The following SNX13 variants were observed in gnomAD, a reference collection of about 807,000 sequenced individuals.
SNX13 encodes the protein sorting nexin-13.
A neutral mutation model predicts 133.6 loss-of-function variants in SNX13; 45 were observed. The ratio of observed to expected loss-of-function variants is 0.34; its 90% CI spans 0.27 to 0.43. SNX13 has a LOEUF of 0.43. SNX13 is among the 20% of genes least tolerant of loss of function. SNX13 has a pLI of 1.00. For missense variants in SNX13, 1,032 were observed against 1,145.1 expected (o/e 0.90, Z 1.43); for synonymous variants, 414 against 373.9 (o/e 1.11, Z -1.24).
intron 17 of SNX13, among the ~76,000 whole-genome samples, chr7:17,824,323 T>G (rs1483405538): frequency 6.6e-6 from 1 of 152,212 alleles, no homozygotes; most frequent in Non-Finnish European, 1.5e-5. Flanking sequence ...TACTGCTTCC[T>G]TGGGCCATTC....
chr7:17,873,965 A>C (rs955571983), intron 7 of SNX13, among the ~76,000 whole-genome samples: 18 of 152,216 alleles, frequency 1.2e-4, no homozygotes, highest in African/African-American at 4.3e-4. Context: ...AAAGTTATTC[A>C]CACATATAAA....
intron 12 of SNX13, among the ~76,000 whole-genome samples, chr7:17,841,700 C>T (rs2128317898): frequency 6.6e-6 from 1 of 151,626 alleles, no homozygotes; most frequent in Admixed American, 6.6e-5. Flanking sequence ...GGAATATCTA[C>T]TAGATGAAGA....
chr7:17,902,005 G>A (rs979744580), intron 1 of SNX13, among the ~76,000 whole-genome samples: 1 of 152,134 alleles, frequency 6.6e-6, no homozygotes, highest in Non-Finnish European at 1.5e-5. Context: ...TCAAAAAAGA[G>A]TCAAAATGAG....
intron 22 of SNX13, among the ~76,000 whole-genome samples, chr7:17,799,402 C>T (rs901044942): frequency 6.6e-6 from 1 of 151,654 alleles, no homozygotes; most frequent in Non-Finnish European, 1.5e-5. Context: ...ATTTTCAAGG[C>T]AAAGTAGATT....
intron 1 of SNX13, among the ~76,000 whole-genome samples, chr7:17,902,776 A>C (rs1797975325): frequency 6.6e-6 from 1 of 152,184 alleles, no homozygotes; most frequent in African/African-American, 2.4e-5. Flanking sequence ...ACCATTAGGA[A>C]CTGGGCCGCA....
intron 9 of SNX13, among the ~76,000 whole-genome samples, chr7:17,858,913 T>C (rs1195856917): frequency 2.6e-5 from 4 of 152,092 alleles, no homozygotes; most frequent in Non-Finnish European, 4.4e-5. Flanking sequence ...GTCTGTATTT[T>C]AAAAATCAAT....
chr7:17,849,223 A>C (rs1373581475), intron 11 of SNX13, among the ~76,000 whole-genome samples: 1 of 152,218 alleles, frequency 6.6e-6, no homozygotes, highest in East Asian at 1.9e-4. Context: ...TACCCAATTC[A>C]GTAAACAGCA....
At chr7:17,807,428 T>G (rs768954700) in intron 20 of SNX13, among the ~76,000 whole-genome samples, 3 of 152,086 alleles carry the variant, frequency 2.0e-5, no homozygotes, top group Non-Finnish European at 4.4e-5. Flanking sequence ...CTCACTAGAT[T>G]CCTCCTCTGG....
intron 9 of SNX13, among the ~76,000 whole-genome samples, chr7:17,866,306 AAG>A (rs1435593073): frequency 6.6e-6 from 1 of 152,092 alleles, no homozygotes; most frequent in Non-Finnish European, 1.5e-5. Flanking sequence ...AAAAAAAAAA[AAG>A]AATCCCATTA....
intron 5 of SNX13, among the ~76,000 whole-genome samples, chr7:17,886,204 AAACC>A (rs1795967291): frequency 6.6e-6 from 1 of 152,096 alleles, no homozygotes; most frequent in Non-Finnish European, 1.5e-5. Flanking sequence ...GCGAATCCTG[AAACC>A]TATGTATCTA....
At chr7:17,885,196 T>C (rs1292561091) in intron 5 of SNX13, among the ~76,000 whole-genome samples, 1 of 150,842 alleles carries the variant, frequency 6.6e-6, no homozygotes, top group Non-Finnish European at 1.5e-5. Context: ...ACAACATGAA[T>C]GAACCTTGAA....
intron 1 of SNX13, among the ~76,000 whole-genome samples, chr7:17,932,802 T>A (rs142464947): frequency 6.6e-6 from 1 of 152,342 alleles, no homozygotes; most frequent in African/African-American, 2.4e-5. Context: ...CTAACCCAAG[T>A]CACAGTTATC....
At chr7:17,861,381 C>G (rs1490126663) in intron 9 of SNX13, among the ~76,000 whole-genome samples, 2 of 134,326 alleles carry the variant, frequency 1.5e-5, no homozygotes, top group Non-Finnish European at 3.2e-5. Context: ...CACACACACA[C>G]AGTGTGATAA....
intron 17 of SNX13, among the ~76,000 whole-genome samples, chr7:17,823,567 C>G (rs183126613): frequency 6.6e-6 from 1 of 152,260 alleles, no homozygotes; most frequent in East Asian, 1.9e-4. Context: ...CTTTCATTCC[C>G]TTTCCATCTA....
chr7:17,873,817 A>AT (rs557836240), intron 7 of SNX13, among the ~76,000 whole-genome samples: 3 of 152,020 alleles, frequency 2.0e-5, no homozygotes, highest in Non-Finnish European at 4.4e-5. Flanking sequence ...AATCAACTTA[A>AT]TTTTTTTTAA....
At position 17,791,441 on chromosome 7, in the gene SNX13, T is replaced by A. The variant is rs1049801852; in HGVS notation, c.*2604A>T. ...GTGCATCCATTGGTCAATGGCACAA[T>A]TGATTTCAGCAACTATTTGGAATAT... On this transcript the variant is annotated 3_prime_UTR_variant, in exon 26 of 26. Coordinates refer to ENST00000428135, the MANE Select transcript of SNX13 (RefSeq NM_015132.5). 6.6e-6 allele frequency: 1 copy of A among 151,694 alleles called. No homozygotes were observed. Among genetic ancestry groups the A allele is most frequent in the Non-Finnish European group, 1.5e-5 (1 of 67,798 alleles). The allele number at this position is 151,694 out of a possible 1,614,324, so 9.4% of individuals were successfully genotyped here.
chr7:17,817,657 T>C (rs1330662568), intron 18 of SNX13, among the ~76,000 whole-genome samples: 4 of 152,176 alleles, frequency 2.6e-5, no homozygotes, highest in African/African-American at 9.7e-5. Flanking sequence ...AGGTAATTTA[T>C]AGAGAAAACA....
At chr7:17,914,775 G>A (rs547047540) in intron 1 of SNX13, among the ~76,000 whole-genome samples, 1 of 152,236 alleles carries the variant, frequency 6.6e-6, no homozygotes, top group African/African-American at 2.4e-5. Flanking sequence ...AAAAGCACAC[G>A]TAAGCACATG....
At chr7:17,852,717 T>C (rs1352497376) in intron 9 of SNX13, among the ~76,000 whole-genome samples, 1 of 152,092 alleles carries the variant, frequency 6.6e-6, no homozygotes, top group Non-Finnish European at 1.5e-5. Flanking sequence ...TGTATGATAA[T>C]AAGAATGATC....
Sources: allele counts gnomAD v4.1 joint callset (sites outside exome capture counted in the v4.1 genomes callset), GRCh38; gene constraint gnomAD v4.1.1; transcripts MANE v1.5; gene names NCBI Gene and HGNC (gene_info 2026-07-23, HGNC 2026-07-21).